The following XPNPEP1 variants were observed in gnomAD, a reference collection of about 807,000 sequenced individuals.
XPNPEP1 encodes X-prolyl aminopeptidase 1.
A neutral mutation model predicts 92.4 loss-of-function variants in XPNPEP1; 39 were observed. That is an observed-to-expected ratio of 0.42 (90% CI 0.33 to 0.55). XPNPEP1 has a LOEUF of 0.55. Ranked by LOEUF, XPNPEP1 falls within the 20% of genes least tolerant of loss-of-function variation. The pLI is 0.08. For missense variants in XPNPEP1, 654 were observed against 856.1 expected (o/e 0.76, Z 2.95); for synonymous variants, 307 against 299.4 (o/e 1.03, Z -0.26).
intron 4 of XPNPEP1, chr10:109,892,446 G>C (rs1564771613): frequency 6.4e-6 from 1 of 156,698 alleles, no homozygotes. Context: ...ACCATGAGGG[G>C]AGGGGAGCTC....
At chr10:109,868,525 AT>A (rs1430976998) in intron 20 of XPNPEP1, 88 bp downstream of exon 20, 1 of 1,153,506 alleles carries the variant, frequency 8.7e-7, no homozygotes, top group Non-Finnish European at 1.3e-6. Flanking sequence ...GGATTAGAGA[AT>A]TTAGGATTTA....
chr10:109,921,796 G>C (rs1017511601), intron 1 of XPNPEP1, among the ~76,000 whole-genome samples: 8 of 152,184 alleles, frequency 5.3e-5, no homozygotes, highest in African/African-American at 1.9e-4. Context: ...ACCCAAAGCA[G>C]GTCAATCCCT....
chr10:109,907,625 T>C, intron 3 of XPNPEP1, 66 bp downstream of exon 3: 2 of 1,603,522 alleles, frequency 1.2e-6, no homozygotes, highest in Admixed American at 3.4e-5. Flanking sequence ...ATTAGAATCC[T>C]ACAAACACAT....
intron 1 of XPNPEP1, among the ~76,000 whole-genome samples, chr10:109,916,112 G>GA (rs1385298792): frequency 1.3e-5 from 2 of 152,096 alleles, no homozygotes; most frequent in African/African-American, 2.4e-5. Context: ...CGTGTTTTGT[G>GA]AAAAAAAGTA....
chr10:109,887,020 C>G (rs1218339028), intron 7 of XPNPEP1, among the ~76,000 whole-genome samples: 1 of 152,206 alleles, frequency 6.6e-6, no homozygotes, highest in East Asian at 1.9e-4. Context: ...ATTGCCACCA[C>G]AACCACCCTA....
intron 10 of XPNPEP1, among the ~76,000 whole-genome samples, chr10:109,881,673 G>T (rs769759312): frequency 7.9e-5 from 12 of 152,242 alleles, no homozygotes; most frequent in Non-Finnish European, 1.8e-4. Flanking sequence ...GCTCAGTGGA[G>T]AAGAAAGGAC....
At chr10:109,880,125 A>AATCAC in intron 12 of XPNPEP1, 63 bp downstream of exon 12, 2 of 1,520,092 alleles carry the variant, frequency 1.3e-6, no homozygotes, top group Non-Finnish European at 1.8e-6. Flanking sequence ...CTAGAGTTAG[A>AATCAC]ATCACATATA....
intron 2 of XPNPEP1, among the ~76,000 whole-genome samples, chr10:109,911,926 T>C (rs1436341281): frequency 6.6e-6 from 1 of 152,184 alleles, no homozygotes; most frequent in Non-Finnish European, 1.5e-5. Flanking sequence ...ATATTATCAG[T>C]CACTAACTTC....
chr10:109,923,313 C>T, intron 1 of XPNPEP1, 89 bp downstream of exon 1: 1 of 1,293,806 alleles, frequency 7.7e-7, no homozygotes, highest in South Asian at 2.1e-5. Context: ...CTCACCCGCG[C>T]GTCCCTGCCC....
Position 109,891,830 on chromosome 10 carries a change from A to G in XPNPEP1, c.311-4T>C. 6.2e-7 allele frequency: 1 copy of G among 1,611,570 alleles called. No individual in the cohort carries two copies. On this transcript the variant is annotated splice_region_variant and splice_polypyrimidine_tract_variant and intron_variant, in intron 4 of 20. Coordinates refer to ENST00000502935, the MANE Select transcript of XPNPEP1 (RefSeq NM_020383.4). ...TCTTCTGTGATGATGGCTGTGCCTG[A>G]AGCAGGGGAGAAAAAAAAAAGAAGA... is the stretch of plus-strand genomic sequence containing the variant.
At chr10:109,910,192 G>A (rs1459723229) in intron 2 of XPNPEP1, among the ~76,000 whole-genome samples, 1 of 152,108 alleles carries the variant, frequency 6.6e-6, no homozygotes, top group Non-Finnish European at 1.5e-5. Flanking sequence ...GTTCTAAAAT[G>A]TCATATAGTT....
chr10:109,911,974 T>G (rs975133252), intron 2 of XPNPEP1, among the ~76,000 whole-genome samples: 1 of 152,190 alleles, frequency 6.6e-6, no homozygotes, highest in Non-Finnish European at 1.5e-5. Context: ...GAGCACAAAA[T>G]CTTCAACTGC....
chr10:109,875,645 T>G, intron 14 of XPNPEP1, 46 bp from the exon 15 acceptor site: 1 of 1,560,452 alleles, frequency 6.4e-7, no homozygotes, highest in Non-Finnish European at 8.8e-7. Flanking sequence ...ATGTAAACAC[T>G]TAGTGAATCT....
chr10:109,868,509 G>A, intron 20 of XPNPEP1, 105 bp downstream of exon 20: 2 of 1,043,654 alleles, frequency 1.9e-6, no homozygotes, highest in Admixed American at 4.6e-5. Context: ...ATTACAAAGT[G>A]AGACTGGATT....
chr10:109,903,125 T>G (rs548736421), intron 3 of XPNPEP1, among the ~76,000 whole-genome samples: 1 of 152,186 alleles, frequency 6.6e-6, no homozygotes, highest in Non-Finnish European at 1.5e-5. Flanking sequence ...TGTCGGTGTC[T>G]CCTACTAGTA....
intron 14 of XPNPEP1, chr10:109,876,180 TCAAA>T (rs1340207368): frequency 6.6e-6 from 1 of 152,422 alleles, no homozygotes; most frequent in African/African-American, 2.4e-5. Flanking sequence ...TTCTTCTGCT[TCAAA>T]CAAACATGAG....
intron 1 of XPNPEP1, among the ~76,000 whole-genome samples, chr10:109,918,206 G>T (rs1293744410): frequency 1.3e-5 from 2 of 151,856 alleles, no homozygotes; most frequent in East Asian, 3.9e-4. Flanking sequence ...CAGACTGCCT[G>T]AGTCCCAGGG....
chr10:109,880,446 T>C (rs1848027887), intron 11 of XPNPEP1, among the ~76,000 whole-genome samples: 1 of 152,042 alleles, frequency 6.6e-6, no homozygotes, highest in South Asian at 2.1e-4. Context: ...TATTCAGTAG[T>C]TCAGGTACAA....
intron 12 of XPNPEP1, among the ~76,000 whole-genome samples, chr10:109,879,475 C>T (rs548300016): frequency 6.6e-6 from 1 of 151,854 alleles, no homozygotes; most frequent in African/African-American, 2.4e-5. Flanking sequence ...GAGGCTAAGG[C>T]AGGAGAATCT....
Sources: allele counts gnomAD v4.1 joint callset (sites outside exome capture counted in the v4.1 genomes callset), GRCh38; gene constraint gnomAD v4.1.1; transcripts MANE v1.5; gene names NCBI Gene and HGNC (gene_info 2026-07-23, HGNC 2026-07-21).